STK17B: variants seen among roughly 807,000 people sequenced by gnomAD.
The protein encoded by STK17B is serine/threonine-protein kinase 17B.
STK17B carries 21 observed loss-of-function variants against 42.0 expected under a neutral mutation model. That is an observed-to-expected ratio of 0.50 (90% CI 0.35 to 0.72). The LOEUF is 0.72. Ranked by LOEUF, STK17B falls within the 30% of genes least tolerant of loss-of-function variation. The pLI is 0.00. For synonymous variants in STK17B, 143 were observed against 148.4 expected (o/e 0.96, Z 0.26); for missense variants, 349 against 446.0 (o/e 0.78, Z 1.96).
At chr2:196,156,244 C>T (rs1699736047) in intron 3 of STK17B, 195 bp downstream of exon 3, 2 of 485,752 alleles carry the variant, frequency 4.1e-6, no homozygotes, top group Non-Finnish European at 7.2e-6. Flanking sequence ...TTATTCTGTG[C>T]TGTTAGTTTT....
intron 5 of STK17B, among the ~76,000 whole-genome samples, chr2:196,142,807 G>C (rs1020336317): frequency 2.6e-5 from 4 of 152,198 alleles, no homozygotes; most frequent in African/African-American, 9.7e-5. Flanking sequence ...GCCTAGCTGA[G>C]TCGCATCTGT....
intron 3 of STK17B, chr2:196,152,913 A>AT (rs1235417211): frequency 2.6e-5 from 4 of 152,184 alleles, no homozygotes; most frequent in African/African-American, 7.2e-5. Flanking sequence ...ATGTTTATAC[A>AT]TTTTTTGTGT....
At chr2:196,172,849 CT>C (rs1699964556), upstream of STK17B, among the ~76,000 whole-genome samples, 1 of 152,176 alleles carries the variant, frequency 6.6e-6, no homozygotes, top group African/African-American at 2.4e-5. Flanking sequence ...CTGGAATTAA[CT>C]TTTCTGGGGT....
intron 2 of STK17B, among the ~76,000 whole-genome samples, chr2:196,158,088 A>C (rs2105704246): frequency 6.6e-6 from 1 of 152,326 alleles, no homozygotes; most frequent in African/African-American, 2.4e-5. Context: ...AGGTATAAAT[A>C]AAAGATCTTT....
chr2:196,162,871 C>T (rs188404158), intron 2 of STK17B, among the ~76,000 whole-genome samples: 9 of 151,936 alleles, frequency 5.9e-5, no homozygotes, highest in Non-Finnish European at 1.3e-4. Context: ...GCTTGAGCAA[C>T]AGAGTGAGAC....
chr2:196,155,398 A>G (rs1699724748), intron 3 of STK17B, among the ~76,000 whole-genome samples: 1 of 152,206 alleles, frequency 6.6e-6, no homozygotes, highest in Admixed American at 6.5e-5. Context: ...ACATTTTGCA[A>G]AATCTTCATT....
chr2:196,134,104 T>G lies in STK17B; in HGVS notation c.*3343A>C, dbSNP rs1559405496. ...GCTATTCAAAGCATGGTCCATTAAC[T>G]ATTTGTGAGCTGTCCAGAATGAAAG... On this transcript the variant is annotated 3_prime_UTR_variant, in exon 8 of 8. Transcript: ENST00000263955. 6.6e-6 allele frequency: 1 copy of G among 152,222 alleles called. No individual in the cohort carries two copies. The highest frequency in any genetic ancestry group is 6.5e-5 in the Admixed American group (1 of 15,286). The allele number at this position is 152,222 out of a possible 1,614,324, so 9.4% of individuals were successfully genotyped here.
chr2:196,172,226 G>A (rs1432833010), upstream of STK17B, among the ~76,000 whole-genome samples: 1 of 151,808 alleles, frequency 6.6e-6, no homozygotes, highest in Non-Finnish European at 1.5e-5. Context: ...GGTCCCAATA[G>A]GCTGAATAGC....
Position 196,158,172 on chromosome 2 carries a change from C to T in STK17B, c.123-1521G>A, listed in dbSNP as rs147311971. The stretch of plus-strand genomic sequence containing the variant: ...TATATTTCTAACACAGTCTATCAGA[C>T]TCTTAGCATGGAAAACAAAACTTGG... On this transcript the variant is annotated intron_variant, in intron 2 of 7. Transcript: ENST00000263955. 1.1e-3 allele frequency among the ~76,000 whole-genome samples: 164 copies of T among 152,258 alleles called. 3 individuals are homozygous for T. The highest frequency in any genetic ancestry group is 9.8e-3 in the Admixed American group (150 of 15,282).
At chr2:196,167,302 T>G (rs1268998015) in intron 1 of STK17B, among the ~76,000 whole-genome samples, 1 of 152,246 alleles carries the variant, frequency 6.6e-6, no homozygotes, top group Non-Finnish European at 1.5e-5. Context: ...AGCATCCTTT[T>G]ACTTTTGTGC....
chr2:196,175,077 A>G (rs1267560055), upstream of STK17B, among the ~76,000 whole-genome samples: 3 of 152,058 alleles, frequency 2.0e-5, no homozygotes, highest in Non-Finnish European at 2.9e-5. Context: ...AAACACAGAT[A>G]AAATTAATTT....
chr2:196,170,543 T>C (rs562922434), intron 1 of STK17B, among the ~76,000 whole-genome samples: 239 of 152,352 alleles, frequency 1.6e-3, no homozygotes, highest in Non-Finnish European at 2.8e-3. Flanking sequence ...TACCAGCTGC[T>C]ATAAAGCCTC....
At chr2:196,148,400 T>G (rs1699613103) in intron 3 of STK17B, among the ~76,000 whole-genome samples, 1 of 152,130 alleles carries the variant, frequency 6.6e-6, no homozygotes, top group South Asian at 2.1e-4. Context: ...GTGGTCTAAA[T>G]ATATTCCTGC....
intron 2 of STK17B, among the ~76,000 whole-genome samples, chr2:196,162,112 A>T (rs889399913): frequency 7.2e-5 from 11 of 152,302 alleles, no homozygotes; most frequent in African/African-American, 2.6e-4. Flanking sequence ...CCATCTTCCA[A>T]CCCTTCATTA....
At chr2:196,155,213 T>G (rs1699722701) in intron 3 of STK17B, among the ~76,000 whole-genome samples, 1 of 152,244 alleles carries the variant, frequency 6.6e-6, no homozygotes, top group Non-Finnish European at 1.5e-5. Flanking sequence ...AAAGGTCAGC[T>G]GAAGAATCTT....
chr2:196,146,196 G>T, intron 3 of STK17B, 141 bp from the exon 4 acceptor site: 1 of 909,292 alleles, frequency 1.1e-6, no homozygotes, highest in Non-Finnish European at 1.5e-6. Context: ...GGAAGTGAGA[G>T]ATCTTTAAGG....
chr2:196,157,159 AT>A (rs140298661), intron 2 of STK17B, among the ~76,000 whole-genome samples: 67,855 of 137,674 alleles, frequency 0.49, 16,259 homozygotes, highest in South Asian at 0.6. Context: ...CAAAAAAAAA[AT>A]AAAAAAAAGA....
chr2:196,143,771 A>G, intron 4 of STK17B, 85 bp from the exon 5 acceptor site: 7 of 1,191,808 alleles, frequency 5.9e-6, no homozygotes, highest in Non-Finnish European at 7.8e-6. Flanking sequence ...AGTGGAAGAT[A>G]TTGCTCAGCT....
rs1015581043 is a variant in STK17B at position 196,135,211 on chromosome 2, T to G, written c.*2236A>C. The G allele has an allele frequency of 6.6e-6, 1 of 152,182 alleles. No individual in the cohort carries two copies. Among genetic ancestry groups the G allele is most frequent in the African/African-American group, 2.4e-5 (1 of 41,458 alleles). 9.4% of individuals were successfully genotyped at this position (152,182 alleles called of 1,614,324 possible). On this transcript the variant is annotated 3_prime_UTR_variant, in exon 8 of 8. Coordinates refer to ENST00000263955, the MANE Select transcript of STK17B (RefSeq NM_004226.4). ...GGGATGGCATGATTCCTCTAAAAATTAAAAATATAATATGGTCTTCAGAAA... is the reference window on the plus strand; with the variant it reads ...GGGATGGCATGATTCCTCTAAAAATGAAAAATATAATATGGTCTTCAGAAA...
Sources: gnomAD v4.1 joint callset for allele counts (sites outside exome capture counted in the v4.1 genomes callset) on GRCh38, gnomAD v4.1.1 for gene constraint, MANE v1.5 for transcripts, NCBI Gene and HGNC (gene_info 2026-07-23, HGNC 2026-07-21) for gene names.